Variants in CDK14 observed in about 807,000 individuals in gnomAD.
The protein encoded by CDK14 is cyclin-dependent kinase 14.
In CDK14, 34 loss-of-function variants were observed where a neutral mutation model predicts 60.7. The ratio of observed to expected loss-of-function variants is 0.56; its 90% CI spans 0.43 to 0.75. The LOEUF (loss-of-function observed/expected upper bound fraction) is 0.75, where lower values mean the gene tolerates loss of function less well. CDK14 is among the 30% of genes least tolerant of loss of function. The pLI is 0.00. For missense variants in CDK14, 482 were observed against 564.1 expected, an observed-to-expected ratio of 0.85 and a Z score of 1.47; for synonymous variants, 197 against 203.7, an observed-to-expected ratio of 0.97 and a Z score of 0.28.
rs544327299 is a variant in CDK14 at position 90,967,195 on chromosome 7, G to A, written c.947+11378G>A. ...GGAAGGAGGGAAGGAAGGAAGGAAG[G>A]AAGGAAGAAAGGAAGGAAGGAAAGC... On this transcript the variant is annotated intron_variant, in intron 9 of 14. Coordinates refer to ENST00000380050, the MANE Select transcript of CDK14 (RefSeq NM_001287135.2). Among the ~76,000 whole-genome samples, 356 of 150,508 alleles carry A rather than the reference G, an allele frequency of 2.4e-3. 2 individuals carry two copies. The highest frequency in any genetic ancestry group is 0.014 in the Middle Eastern group (4 of 294).
chr7:90,802,479 G>GA (rs1277227523), intron 5 of CDK14, among the ~76,000 whole-genome samples: 4 of 152,270 alleles, frequency 2.6e-5, no homozygotes, highest in African/African-American at 9.6e-5. Flanking sequence ...GCATCCTCAT[G>GA]GTCTTCAAGC....
chr7:90,858,883 G>A (rs950631102), intron 5 of CDK14, among the ~76,000 whole-genome samples: 1 of 152,158 alleles, frequency 6.6e-6, no homozygotes, highest in Non-Finnish European at 1.5e-5. Context: ...AAAGAAGATT[G>A]TAAATTATTA....
intron 2 of CDK14, among the ~76,000 whole-genome samples, chr7:90,679,584 TAA>T (rs1563042038): frequency 6.6e-6 from 1 of 152,198 alleles, no homozygotes; most frequent in Non-Finnish European, 1.5e-5. Flanking sequence ...CAGTTTATTT[TAA>T]AAGAGACTTA....
rs76762736 is a variant in CDK14 at position 90,926,743 on chromosome 7, G to A, written c.826+9019G>A. ...TCTATTTATTTCTGACACTAACTACGCAGTAGCACAGACCCCTTAGGTTAA... is the reference window on the plus strand; with the variant it reads ...TCTATTTATTTCTGACACTAACTACACAGTAGCACAGACCCCTTAGGTTAA... On this transcript the variant is annotated intron_variant, in intron 8 of 14. Transcript: ENST00000380050. Among the ~76,000 whole-genome samples, 2,435 of 152,164 alleles carry A rather than the reference G, an allele frequency of 0.016. 144 individuals carry two copies. In the East Asian group the frequency reaches 0.18, roughly 11 times the overall value.
chr7:90,707,897 T>TA (rs1365662842), intron 2 of CDK14, among the ~76,000 whole-genome samples: 1 of 152,216 alleles, frequency 6.6e-6, no homozygotes, highest in African/African-American at 2.4e-5. Flanking sequence ...TCTAATCACT[T>TA]AAGGCATTCA....
At chr7:90,608,840 A>T (rs535094907) in intron 2 of CDK14, among the ~76,000 whole-genome samples, 4 of 151,864 alleles carry the variant, frequency 2.6e-5, no homozygotes, top group African/African-American at 9.7e-5. Flanking sequence ...GTATAAAATT[A>T]AAAAAAATTC....
At position 90,775,776 on chromosome 7, in the gene CDK14, C is replaced by A. The variant is rs1805019289; in HGVS notation, c.465-14797C>A. On this transcript the variant is annotated intron_variant, in intron 4 of 14. Transcript: ENST00000380050. ...TTCCTCCTCCTCTTTCTCCCCCCCACCCTTCTCCTACCTGGCTTCCTCCTT... is the reference window on the plus strand; with the variant it reads ...TTCCTCCTCCTCTTTCTCCCCCCCAACCTTCTCCTACCTGGCTTCCTCCTT... 1.8e-5 allele frequency among the ~76,000 whole-genome samples: 2 copies of A among 109,496 alleles called. 1 individual carries two copies. The highest frequency in any genetic ancestry group is 6.4e-4 in the South Asian group (2 of 3,132). 71.8% of individuals were successfully genotyped at this position (109,496 alleles called of 152,430 possible).
intron 2 of CDK14, among the ~76,000 whole-genome samples, chr7:90,719,597 C>A (rs528156461): frequency 1.3e-5 from 2 of 152,128 alleles, no homozygotes; most frequent in South Asian, 4.1e-4. Flanking sequence ...AGTTTGCCAG[C>A]AAATGAACAA....
intron 12 of CDK14, among the ~76,000 whole-genome samples, chr7:91,105,759 T>TTCCC (rs1178621443): frequency 1.3e-5 from 2 of 152,150 alleles, no homozygotes; most frequent in Non-Finnish European, 2.9e-5. Flanking sequence ...ATTTTAGGTA[T>TTCCC]TGGGAGTTAT....
chr7:90,859,751 T>G (rs1329529762), intron 5 of CDK14, among the ~76,000 whole-genome samples: 1 of 152,146 alleles, frequency 6.6e-6, no homozygotes, highest in Non-Finnish European at 1.5e-5. Context: ...ATTTCATCAT[T>G]TACATGAAAG....
chr7:91,199,868 C>T (rs1238016200), intron 14 of CDK14, among the ~76,000 whole-genome samples: 1 of 152,174 alleles, frequency 6.6e-6, no homozygotes, highest in Non-Finnish European at 1.5e-5. Context: ...CAAAGCCTGA[C>T]TATCTCTGCA....
At chr7:90,938,740 G>A (rs1438962831) in intron 8 of CDK14, among the ~76,000 whole-genome samples, 1 of 152,096 alleles carries the variant, frequency 6.6e-6, no homozygotes, top group Admixed American at 6.6e-5. Context: ...ACAAAACAAG[G>A]TTTACAGAAA....
intron 6 of CDK14, among the ~76,000 whole-genome samples, chr7:90,897,594 C>T (rs1427769101): frequency 6.6e-6 from 1 of 151,932 alleles, no homozygotes; most frequent in African/African-American, 2.4e-5. Context: ...AATGTTCTCT[C>T]GTTCTTTATT....
chr7:90,688,555 C>T (rs1432039302), intron 2 of CDK14, among the ~76,000 whole-genome samples: 2 of 151,986 alleles, frequency 1.3e-5, no homozygotes, highest in Admixed American at 1.3e-4. Flanking sequence ...CGTTAAAGCA[C>T]CTAGGTAGTA....
At chr7:90,610,171 T>A (rs1303114566) in intron 2 of CDK14, among the ~76,000 whole-genome samples, 1 of 152,160 alleles carries the variant, frequency 6.6e-6, no homozygotes, top group Non-Finnish European at 1.5e-5. Context: ...GTTCCTTCCC[T>A]GATCACTCAG....
chr7:90,914,954 T>C (rs868739861), intron 7 of CDK14, among the ~76,000 whole-genome samples: 1 of 152,126 alleles, frequency 6.6e-6, no homozygotes, highest in African/African-American at 2.4e-5. Flanking sequence ...ACAGCTTAGA[T>C]AAGTATCATA....
At chr7:90,819,547 T>C (rs534562049) in intron 5 of CDK14, among the ~76,000 whole-genome samples, 2 of 152,094 alleles carry the variant, frequency 1.3e-5, no homozygotes, top group Non-Finnish European at 2.9e-5. Flanking sequence ...TTTTAATTAC[T>C]GTAGGCCTGG....
At chr7:90,733,807 T>C (rs1363947913) in intron 3 of CDK14, among the ~76,000 whole-genome samples, 1 of 152,180 alleles carries the variant, frequency 6.6e-6, no homozygotes, top group East Asian at 1.9e-4. Flanking sequence ...CCTATTTACA[T>C]TTTAGGTTAT....
chr7:90,925,309 T>C (rs2117448511), intron 8 of CDK14, among the ~76,000 whole-genome samples: 1 of 152,250 alleles, frequency 6.6e-6, no homozygotes, highest in African/African-American at 2.4e-5. Context: ...CCGGCTAATA[T>C]TGGATGTAGA....
Sources: allele counts gnomAD v4.1 joint callset (sites outside exome capture counted in the v4.1 genomes callset), GRCh38; gene constraint gnomAD v4.1.1; transcripts MANE v1.5; gene names NCBI Gene and HGNC (gene_info 2026-07-23, HGNC 2026-07-21).